IFT172: variants seen among roughly 807,000 people sequenced by gnomAD.
IFT172 encodes the protein intraflagellar transport 172.
In IFT172, 164 loss-of-function variants were observed where a neutral mutation model predicts 248.9. The observed-to-expected ratio is 0.66, with a 90% confidence interval of 0.58 to 0.75. The LOEUF is 0.75. Among genes scored for constraint, IFT172 ranks in the 30% least tolerant of loss-of-function variants. The probability of loss-of-function intolerance (pLI) is 0.00; values close to 1 mark genes in which losing one functional copy is unlikely to be tolerated. For synonymous variants in IFT172, 729 were observed against 791.6 expected (o/e 0.92, Z 1.33); for missense variants, 1,950 against 2,192.4 (o/e 0.89, Z 2.21).
intron 6 of IFT172, 76 bp from the exon 7 acceptor site, chr2:27,483,452 C>T: frequency 1.4e-6 from 2 of 1,405,428 alleles, no homozygotes; most frequent in Admixed American, 1.7e-5. Context: ...CTCTGTCAAA[C>T]ACAACCTTGT....
intron 35 of IFT172, 198 bp downstream of exon 35, chr2:27,453,186 T>C (rs2148485444): frequency 2.6e-6 from 2 of 758,832 alleles, no homozygotes; most frequent in Non-Finnish European, 4.8e-6. Flanking sequence ...CTTTTGGCTG[T>C]CAGGGCTCTG....
chr2:27,462,199 A>C (rs1031057676), intron 20 of IFT172, among the ~76,000 whole-genome samples: 8 of 151,856 alleles, frequency 5.3e-5, no homozygotes, highest in African/African-American at 1.9e-4. Context: ...CTCCTGGCTA[A>C]TTTTTTGTAT....
At chr2:27,456,037 C>T (rs564656825) in intron 30 of IFT172, among the ~76,000 whole-genome samples, 6 of 152,124 alleles carry the variant, frequency 3.9e-5, no homozygotes, top group African/African-American at 1.4e-4. Flanking sequence ...CATGGTGAAA[C>T]CCCATCCCTA....
intron 7 of IFT172, 24 bp from the exon 8 acceptor site, chr2:27,481,284 A>G (rs984409724): frequency 1.9e-6 from 3 of 1,587,910 alleles, no homozygotes; most frequent in Non-Finnish European, 2.6e-6. Context: ...AGAGGGTTTC[A>G]ATCACTCTTC....
chr2:27,458,198 T>C lies in IFT172; in HGVS notation c.2903A>G (p.Glu968Gly). The change falls in exon 27 of 48, where the codon GAA (glutamate) becomes GGA (glycine). Residue 968 changes from glutamate (E) to glycine (G), a missense_variant. Physicochemically the swap from Glu to Gly is moderately conservative, Grantham distance 98. Transcript: ENST00000260570. ...HKLAMKCMRP[E>G]DVSVLYITQA... ...AGTGATGTATAGCACTGACACATCT[T>C]CTGGTCTCATGCATTTCATCGCCAG... is the stretch of plus-strand genomic sequence containing the variant. The C allele has an allele frequency of 6.2e-7, 1 of 1,614,192 alleles. No homozygotes were observed. The highest frequency in any genetic ancestry group is 8.5e-7 in the Non-Finnish European group (1 of 1,180,020).
Position 27,483,621 on chromosome 2 carries a change from G to T in IFT172, c.441C>A (p.Thr147=). Residue 147 remains threonine, a synonymous_variant, in exon 6 of 48, where the codon ACC becomes ACA. Transcript: ENST00000260570. ...LANTKTNKSS[T]IYGTESYVVS... ...CCACGTAAGACTCTGTCCCATAGAT[G>T]GTAGATGATTTATTAGTTTTGGTGT... 6.2e-7 allele frequency: 1 copy of T among 1,614,066 alleles called. No homozygotes were observed. Among genetic ancestry groups the T allele is most frequent in the Non-Finnish European group, 8.5e-7 (1 of 1,180,010 alleles).
chr2:27,459,902 A>T (rs1401012270), intron 23 of IFT172, 73 bp from the exon 24 acceptor site: 21 of 1,584,244 alleles, frequency 1.3e-5, no homozygotes, highest in Non-Finnish European at 1.7e-5. Context: ...GGACAGGGAG[A>T]TGAAGCATGG....
intron 40 of IFT172, 129 bp downstream of exon 40, chr2:27,448,786 G>A (rs905705036): frequency 1.9e-4 from 131 of 688,140 alleles, no homozygotes; most frequent in Admixed American, 8.3e-4. Context: ...GGAGATGCGT[G>A]GGGGGCTCTG....
Position 27,445,802 on chromosome 2 carries a change from A to T in IFT172, c.4857T>A (p.Asp1619Glu). 1 of 1,614,162 alleles carries T rather than the reference A, an allele frequency of 6.2e-7. No homozygotes were observed. The highest frequency in any genetic ancestry group is 8.5e-7 in the Non-Finnish European group (1 of 1,180,034). ...EGTLDGLDHS[D>E]FQDTDIPFEV... ...CAAAGGGAATGTCTGTATCCTGAAA[A>T]TCAGAGTGGTCAAGGCCATCTAGAG... The change falls in exon 45 of 48, where the codon GAT (aspartate) becomes GAA (glutamate). Residue 1619 changes from aspartate to glutamate, a missense_variant. Asp to Glu is a conservative substitution (Grantham distance 45, BLOSUM62 2). Coordinates refer to ENST00000260570, the MANE Select transcript of IFT172 (RefSeq NM_015662.3). The surrounding 1 kb of genome is among the most constrained non-coding windows in gnomAD (Gnocchi z 4.4).
chr2:27,489,112 G>A (rs1348759917), intron 1 of IFT172, among the ~76,000 whole-genome samples: 1 of 152,200 alleles, frequency 6.6e-6, no homozygotes, highest in Non-Finnish European at 1.5e-5. Context: ...TAAGAAAGTA[G>A]TGGTGGAGCT....
At position 27,445,430 on chromosome 2, in the gene IFT172, A is replaced by T; in HGVS notation, c.4934T>A (p.Val1645Asp). ...GGAGACTGTAAGCACCCAGTCTCGA[A>T]CCTCTTCTCTCTCAGCCTCCTGGAA... ...QHVPEAEREE[V>D]RDWVLTVSMD... is the part of the protein sequence containing the mutation. The change falls in exon 46 of 48, where the codon GTT becomes GAT. Residue 1645 changes from valine (V) to aspartate (D), a missense_variant. By Grantham distance (152) the Val-to-Asp change is radical. Around this residue, in one of 3 missense-constraint regions of IFT172, gnomAD observed 620 missense variants for 699.0 expected, o/e 0.89. Coordinates refer to ENST00000260570, the MANE Select transcript of IFT172 (RefSeq NM_015662.3). This position sits in a 1 kb window ranked among gnomAD's most constrained non-coding sequence, Gnocchi z 4.4. 6.2e-7 allele frequency: 1 copy of T among 1,611,320 alleles called. No homozygotes were observed. Among genetic ancestry groups the T allele is most frequent in the East Asian group, 2.2e-5 (1 of 44,842 alleles).
chr2:27,487,735 G>C (rs1470681151), intron 1 of IFT172, among the ~76,000 whole-genome samples: 1 of 151,926 alleles, frequency 6.6e-6, no homozygotes, highest in Non-Finnish European at 1.5e-5. Flanking sequence ...TGGGATTACA[G>C]GCATGCGCCA....
At chr2:27,472,394 G>C (rs769901102) in intron 14 of IFT172, 32 bp from the exon 15 acceptor site, 1 of 1,547,038 alleles carries the variant, frequency 6.5e-7, no homozygotes, top group African/African-American at 1.4e-5. Flanking sequence ...GTTAAGAAGA[G>C]AGATTCCACA....
chr2:27,472,151 A>G, intron 15 of IFT172, 99 bp downstream of exon 15: 2 of 821,846 alleles, frequency 2.4e-6, no homozygotes, highest in Non-Finnish European at 4.3e-6. Context: ...CACAGCAAAG[A>G]CAATGTGCTC....
Position 27,454,031 on chromosome 2 carries a change from C to T in IFT172, c.3662G>A (p.Gly1221Glu), listed in dbSNP as rs1454157190. 1 of 1,614,128 alleles carries T rather than the reference C, an allele frequency of 6.2e-7. No individual in the cohort carries two copies. Among genetic ancestry groups the T allele is most frequent in the South Asian group, 1.1e-5 (1 of 91,080 alleles). The change falls in exon 33 of 48, where the codon GGG becomes GAG. Residue 1221 changes from glycine to glutamate, a missense_variant. This residue lies in a region of IFT172 where 620 missense variants were observed against 699.0 expected (regional missense o/e 0.89). Transcript: ENST00000260570. This position sits in a 1 kb window ranked among gnomAD's most constrained non-coding sequence, Gnocchi z 4.2. ...LEEKDFQKAE[G>E]LLLRAQRPGL... ...TGGTCTCTGGGCCCGGAGCAGCAGC[C>T]CTTCTGCTTTCTGAAAGTCCTTCTC...
chr2:27,486,175 T>C (rs1055385437), intron 1 of IFT172: 9 of 167,216 alleles, frequency 5.4e-5, no homozygotes, highest in African/African-American at 2.2e-4. Flanking sequence ...AATAGTAGAA[T>C]AGACGGGGTA....
At position 27,483,974 on chromosome 2, in the gene IFT172, C is replaced by T. The variant is rs768388323; in HGVS notation, c.337-37G>A. 8 of 1,579,236 alleles carry T rather than the reference C, an allele frequency of 5.1e-6. No homozygotes were observed. In the East Asian group the frequency reaches 1.6e-4, roughly 31 times the overall value. On this transcript the variant is annotated intron_variant, in intron 4 of 47. Coordinates refer to ENST00000260570, the MANE Select transcript of IFT172 (RefSeq NM_015662.3). ...GAAACAATGAAAAGGATAACCCCAT[C>T]TGTGTGGGCCAGCACTTTTATAACA...
chr2:27,484,613 C>G (rs758101001), intron 3 of IFT172, among the ~76,000 whole-genome samples: 1 of 151,926 alleles, frequency 6.6e-6, no homozygotes, highest in Admixed American at 6.6e-5. Context: ...TAAATAAATA[C>G]CACTTCCATA....
intron 14 of IFT172, among the ~76,000 whole-genome samples, chr2:27,473,844 C>T (rs1042191229): frequency 6.6e-6 from 1 of 151,702 alleles, no homozygotes; most frequent in Admixed American, 6.6e-5. Context: ...TTTCACTCTT[C>T]TCACCCAGGC....
Sources: allele counts gnomAD v4.1 joint callset (sites outside exome capture counted in the v4.1 genomes callset), GRCh38; gene constraint gnomAD v4.1.1; regional missense constraint gnomAD v4.1.1; non-coding constraint Gnocchi (gnomAD v3.1); transcripts MANE v1.5; gene names NCBI Gene and HGNC (gene_info 2026-07-23, HGNC 2026-07-21).